NTRK3: variants seen among roughly 807,000 people sequenced by gnomAD.
NTRK3 encodes NT-3 growth factor receptor.
A neutral mutation model predicts 91.7 loss-of-function variants in NTRK3; 24 were observed. The ratio of observed to expected loss-of-function variants is 0.26; its 90% confidence interval spans 0.19 to 0.37. The LOEUF (loss-of-function observed/expected upper bound fraction) is 0.37. Ranked by LOEUF, NTRK3 falls within the 10% of genes least tolerant of loss-of-function variation. The probability of loss-of-function intolerance (pLI) is 1.00; values close to 1 mark genes in which losing one functional copy is unlikely to be tolerated. For synonymous variants in NTRK3, 483 were observed against 404.0 expected, an observed-to-expected ratio of 1.20 and a Z score of -2.34; for missense variants, 880 against 1,068.9, an observed-to-expected ratio of 0.82 and a Z score of 2.46.
intron 17 of NTRK3, among the ~76,000 whole-genome samples, chr15:87,900,954 T>C (rs1450668309): frequency 1.3e-5 from 2 of 152,170 alleles, no homozygotes; most frequent in South Asian, 2.1e-4. Flanking sequence ...ATGCCCCTCC[T>C]GGCCCTGTGA....
At chr15:87,977,208 A>G (rs1398849778) in intron 14 of NTRK3, among the ~76,000 whole-genome samples, 2 of 152,242 alleles carry the variant, frequency 1.3e-5, no homozygotes, top group African/African-American at 4.8e-5. Flanking sequence ...AAAGCAACCA[A>G]TGGAACAGAT....
chr15:87,954,021 T>A (rs1596385666), intron 14 of NTRK3, among the ~76,000 whole-genome samples: 1 of 131,602 alleles, frequency 7.6e-6, no homozygotes, highest in East Asian at 2.0e-4. Context: ...TGTGTGTGTG[T>A]GTGTGTGTGT....
chr15:87,878,720 A>C (rs1359464878), intron 18 of NTRK3, among the ~76,000 whole-genome samples: 2 of 152,242 alleles, frequency 1.3e-5, no homozygotes, highest in African/African-American at 4.8e-5. Flanking sequence ...TGAGGGCAGA[A>C]AGCCTGCCTT....
chr15:88,038,209 T>A (rs57644223), intron 13 of NTRK3, among the ~76,000 whole-genome samples: 23,069 of 152,168 alleles, frequency 0.15, 2,499 homozygotes, highest in African/African-American at 0.31. Context: ...TACAGATAAT[T>A]CATCATGTCT....
intron 14 of NTRK3, among the ~76,000 whole-genome samples, chr15:87,990,561 A>C (rs1205867463): frequency 6.6e-6 from 1 of 152,192 alleles, no homozygotes; most frequent in Non-Finnish European, 1.5e-5. Context: ...ACTAAAGCAC[A>C]AACTTATGGT....
Position 87,940,613 on chromosome 15 carries a change from TG to T in NTRK3, c.1716+9del, listed in dbSNP as rs752200022. The T allele has an allele frequency of 1.2e-6, 2 of 1,613,378 alleles. No homozygotes were observed. Among genetic ancestry groups the T allele is most frequent in the African/African-American group, 2.7e-5 (2 of 74,928 alleles). On this transcript the variant is annotated intron_variant, in intron 15 of 18. Transcript: ENST00000394480. ...CCTCCTCCTGGTGCCGGCATGCCTC[TG>T]GGGTTTACCTTCACAGCCACAAGCA...
chr15:88,226,901 A>T (rs2050723651), intron 3 of NTRK3, among the ~76,000 whole-genome samples: 2 of 152,244 alleles, frequency 1.3e-5, no homozygotes, highest in African/African-American at 4.8e-5. Context: ...TGAGGCTCAG[A>T]GAGGTTAAGT....
intron 5 of NTRK3, among the ~76,000 whole-genome samples, chr15:88,156,650 C>G (rs1253549470): frequency 6.6e-6 from 1 of 152,156 alleles, no homozygotes; most frequent in Non-Finnish European, 1.5e-5. Flanking sequence ...ACGGCTAGCA[C>G]CACCCACTCT....
At chr15:88,034,577 T>G (rs2078901564) in intron 13 of NTRK3, among the ~76,000 whole-genome samples, 1 of 152,248 alleles carries the variant, frequency 6.6e-6, no homozygotes, top group Non-Finnish European at 1.5e-5. Flanking sequence ...AAGTGCCTGC[T>G]GTGATTTGGT....
At chr15:88,055,722 G>T (rs952397866) in intron 13 of NTRK3, among the ~76,000 whole-genome samples, 10 of 152,120 alleles carry the variant, frequency 6.6e-5, no homozygotes, top group Non-Finnish European at 1.5e-4. Context: ...GATTTCCAGT[G>T]TATTCACCCA....
At chr15:88,216,511 C>T (rs748459988) in intron 3 of NTRK3, among the ~76,000 whole-genome samples, 9 of 152,184 alleles carry the variant, frequency 5.9e-5, no homozygotes, top group South Asian at 2.1e-4. Flanking sequence ...GGCAGGGAGG[C>T]GATTCTGCAC....
intron 10 of NTRK3, chr15:88,131,855 G>C (rs1049765636): frequency 2.2e-5 from 4 of 183,438 alleles, no homozygotes; most frequent in Non-Finnish European, 4.6e-5. Context: ...CAGGCATTCA[G>C]CCTGGAAGAG....
chr15:88,150,492 C>T (rs1443120046), intron 5 of NTRK3, among the ~76,000 whole-genome samples: 1 of 152,180 alleles, frequency 6.6e-6, no homozygotes, highest in Non-Finnish European at 1.5e-5. Flanking sequence ...CTCCTACTCT[C>T]CCAGGGCTGC....
intron 14 of NTRK3, among the ~76,000 whole-genome samples, chr15:88,030,768 T>A (rs554940146): frequency 2.0e-5 from 3 of 151,564 alleles, no homozygotes; most frequent in South Asian, 2.1e-4. Context: ...TCTTCCTTTT[T>A]AAAAAAAAAT....
intron 17 of NTRK3, among the ~76,000 whole-genome samples, chr15:87,921,387 A>G (rs1166749817): frequency 1.3e-5 from 2 of 152,176 alleles, no homozygotes; most frequent in Non-Finnish European, 2.9e-5. Flanking sequence ...CAAAGGGACA[A>G]ATCTGGATAA....
chr15:88,083,859 G>A (rs896801827), intron 13 of NTRK3, among the ~76,000 whole-genome samples: 13 of 152,128 alleles, frequency 8.5e-5, no homozygotes, highest in Non-Finnish European at 1.5e-4. Flanking sequence ...CTATTATCAC[G>A]GTAGGGAAAG....
At chr15:88,169,068 C>G (rs954842279) in intron 5 of NTRK3, among the ~76,000 whole-genome samples, 1 of 152,144 alleles carries the variant, frequency 6.6e-6, no homozygotes, top group Non-Finnish European at 1.5e-5. Flanking sequence ...ATGGGGGTAT[C>G]GAGGGAAGCG....
chr15:87,973,672 AGAG>A (rs1375725401), intron 14 of NTRK3, among the ~76,000 whole-genome samples: 2 of 152,138 alleles, frequency 1.3e-5, no homozygotes, highest in African/African-American at 2.4e-5. Context: ...GAGCTGGGAG[AGAG>A]GAGGAGGAGA....
chr15:88,201,067 G>A (rs996853667), intron 3 of NTRK3, among the ~76,000 whole-genome samples: 1 of 152,110 alleles, frequency 6.6e-6, no homozygotes, highest in Non-Finnish European at 1.5e-5. Context: ...CCCTGTCTAC[G>A]CCGCATTATT....
Sources: gnomAD v4.1 joint callset for allele counts (sites outside exome capture counted in the v4.1 genomes callset) on GRCh38, gnomAD v4.1.1 for gene constraint, MANE v1.5 for transcripts, NCBI Gene and HGNC (gene_info 2026-07-23, HGNC 2026-07-21) for gene names.